Variants in SEPTIN7 observed in about 807,000 individuals in gnomAD.
SEPTIN7 encodes septin-7.
A neutral mutation model predicts 63.3 loss-of-function variants in SEPTIN7; 10 were observed. The observed-to-expected ratio is 0.16, with a 90% CI of 0.10 to 0.27. The LOEUF is 0.27. Among genes scored for constraint, SEPTIN7 ranks in the 10% least tolerant of loss-of-function variants. SEPTIN7 has a pLI of 1.00. For missense variants in SEPTIN7, 310 were observed against 521.0 expected (o/e 0.59, Z 3.94); for synonymous variants, 131 against 165.3 (o/e 0.79, Z 1.59).
At chr7:35,849,730 A>G (rs953373217) in intron 3 of SEPTIN7, among the ~76,000 whole-genome samples, 1 of 152,196 alleles carries the variant, frequency 6.6e-6, no homozygotes, top group Non-Finnish European at 1.5e-5. Context: ...TCCAGTACTT[A>G]ATTTCTCACC....
chr7:35,889,701 G>A lies in SEPTIN7; in HGVS notation c.873-967G>A, dbSNP rs544038094. On this transcript the variant is annotated intron_variant, in intron 10 of 13. Coordinates refer to ENST00000350320, the MANE Select transcript of SEPTIN7 (RefSeq NM_001788.6). The stretch of plus-strand genomic sequence containing the variant: ...TGGGATTATAGGTGCTTGCCACCAC[G>A]CCCAACTGATTTTTGTATTTTTAGT... Among the ~76,000 whole-genome samples the A allele has an allele frequency of 5.9e-5, 9 of 152,098 alleles. No homozygotes were observed. In the East Asian group the frequency reaches 7.7e-4, roughly 13 times the overall value.
At chr7:35,860,892 G>A (rs1698894210) in intron 3 of SEPTIN7, among the ~76,000 whole-genome samples, 1 of 152,006 alleles carries the variant, frequency 6.6e-6, no homozygotes, top group Non-Finnish European at 1.5e-5. Context: ...ATCACCTTTG[G>A]GAAGTTTTTT....
Position 35,831,480 on chromosome 7 carries a change from T to G in SEPTIN7, c.62-12T>G. On this transcript the variant is annotated splice_polypyrimidine_tract_variant and intron_variant, in intron 1 of 13. Transcript: ENST00000350320. The stretch of plus-strand genomic sequence containing the variant: ...GGAACACTGGAATGATGGAAATGTG[T>G]TCTTTACAAAGTAGCTGTGAGTATA... 2.1e-6 allele frequency: 1 copy of G among 482,048 alleles called. No homozygotes were observed. Among genetic ancestry groups the G allele is most frequent in the Non-Finnish European group, 4.1e-6 (1 of 242,222 alleles). 29.9% of individuals were successfully genotyped at this position (482,048 alleles called of 1,614,324 possible).
At chr7:35,913,053 TGGC>T in the SEPTIN7 span, among the ~76,000 whole-genome samples, 1 of 152,250 alleles carries the variant, frequency 6.6e-6, no homozygotes, top group South Asian at 2.1e-4. Context: ...TTTAGTTCTC[TGGC>T]CTTGGGTCCT....
rs1431411373 is a variant in SEPTIN7 at position 35,801,121 on chromosome 7, G to A, written c.-89G>A. Reference sequence around the variant, plus strand: ...CGTGCGTAAGCAAGGCAGCTACGCCGGGCGGCTACGCTGCGGAATCGGCGT... The same window carrying A: ...CGTGCGTAAGCAAGGCAGCTACGCCAGGCGGCTACGCTGCGGAATCGGCGT... On this transcript the variant is annotated 5_prime_UTR_variant, in exon 1 of 14. Coordinates refer to ENST00000350320, the MANE Select transcript of SEPTIN7 (RefSeq NM_001788.6). 10 of 1,105,798 alleles carry A rather than the reference G, an allele frequency of 9.0e-6. No homozygotes were observed. In the African/African-American group the frequency reaches 1.7e-4, roughly 18 times the overall value. The allele number at this position is 1,105,798 out of a possible 1,614,324, so 68.5% of individuals were successfully genotyped here. A position where few individuals can be genotyped will look rare whatever the true frequency, so the allele number is the denominator to read the frequency against.
intron 7 of SEPTIN7, among the ~76,000 whole-genome samples, chr7:35,881,762 TA>T (rs1429186451): frequency 6.6e-6 from 1 of 151,952 alleles, no homozygotes; most frequent in Non-Finnish European, 1.5e-5. Context: ...AGTTGAAAAT[TA>T]TTTGGATGTC....
rs190707496 is a variant in SEPTIN7 at position 35,844,546 on chromosome 7, A to G, written c.169+11646A>G. The stretch of plus-strand genomic sequence containing the variant: ...TCAATTTCTGTCACAGACAAGCTGT[A>G]TGACCCTGGACAGATCACTTTGAAT... On this transcript the variant is annotated intron_variant, in intron 3 of 13. Coordinates refer to ENST00000350320, the MANE Select transcript of SEPTIN7 (RefSeq NM_001788.6). Among the ~76,000 whole-genome samples the G allele has an allele frequency of 6.6e-5, 10 of 152,336 alleles. No homozygotes were observed. In the East Asian group the frequency reaches 1.9e-3, roughly 29 times the overall value.
At chr7:35,914,691 A>G in the SEPTIN7 span, among the ~76,000 whole-genome samples, 2 of 151,924 alleles carry the variant, frequency 1.3e-5, no homozygotes, top group South Asian at 4.2e-4. Flanking sequence ...ACACATAAAT[A>G]TATATAGATT....
intron 11 of SEPTIN7, among the ~76,000 whole-genome samples, chr7:35,897,362 A>G (rs1266960607): frequency 6.6e-6 from 1 of 152,190 alleles, no homozygotes; most frequent in African/African-American, 2.4e-5. Flanking sequence ...TGAAAGCACT[A>G]GGTACTTTGG....
At chr7:35,908,880 C>T (rs1354084417), downstream of SEPTIN7, among the ~76,000 whole-genome samples, 1 of 152,196 alleles carries the variant, frequency 6.6e-6, no homozygotes, top group Admixed American at 6.5e-5. Flanking sequence ...AACTTTTTTA[C>T]CCCTCATTTA....
chr7:35,852,949 G>C (rs1235261664), intron 3 of SEPTIN7, among the ~76,000 whole-genome samples: 3 of 152,010 alleles, frequency 2.0e-5, no homozygotes, highest in Admixed American at 6.5e-5. Context: ...ATCTTTCTCA[G>C]CCTGCTAAAG....
intron 11 of SEPTIN7, among the ~76,000 whole-genome samples, chr7:35,893,205 GTTC>G (rs1787753671): frequency 8.7e-6 from 1 of 114,938 alleles, no homozygotes; most frequent in Non-Finnish European, 1.8e-5. Context: ...TTCTTTTAAT[GTTC>G]TTTTTGTATT....
rs1379131692 is a variant in SEPTIN7 at position 35,896,087 on chromosome 7, G to C, written c.999-2161G>C. 1.5e-4 allele frequency among the ~76,000 whole-genome samples: 23 copies of C among 152,204 alleles called. 1 individual carries two copies. ...GCCTCCCAAACTGCTAGCATTACAG[G>C]TGTGAACCACCGTGCCCGGCTTAAA... On this transcript the variant is annotated intron_variant, in intron 11 of 13. Transcript: ENST00000350320.
chr7:35,869,108 TGGAAAG>T (rs1224113699), intron 4 of SEPTIN7, among the ~76,000 whole-genome samples: 1 of 151,998 alleles, frequency 6.6e-6, no homozygotes, highest in East Asian at 1.9e-4. Flanking sequence ...GGATTTGAGT[TGGAAAG>T]GGAAAGAAAT....
chr7:35,870,552 T>A (rs1287759921), intron 4 of SEPTIN7, among the ~76,000 whole-genome samples: 3 of 152,192 alleles, frequency 2.0e-5, no homozygotes, highest in Non-Finnish European at 4.4e-5. Flanking sequence ...CAGCCACAGT[T>A]ACCATGAATA....
chr7:35,848,275 AT>A (rs1044439627), intron 3 of SEPTIN7, among the ~76,000 whole-genome samples: 2 of 150,334 alleles, frequency 1.3e-5, no homozygotes, highest in Non-Finnish European at 3.0e-5. Context: ...AGAATACTTG[AT>A]TTTTTTTTTG....
At chr7:35,803,129 CT>C in intron 1 of SEPTIN7, 1 of 958,268 alleles carries the variant, frequency 1.0e-6, no homozygotes, top group Admixed American at 6.2e-5. Context: ...AGGATATTGT[CT>C]TTTTCTAATG....
downstream of SEPTIN7, among the ~76,000 whole-genome samples, chr7:35,910,267 CTAAA>C (rs1266363318): frequency 6.6e-6 from 1 of 152,178 alleles, no homozygotes; most frequent in East Asian, 1.9e-4. Flanking sequence ...AGCGGGCGTA[CTAAA>C]TAAAGGTGGC....
rs760181840 is a variant in SEPTIN7 at position 35,883,858 on chromosome 7, G to A, written c.724-33G>A. ...TTTTTGAATTTGTGAGGACTACAGA[G>A]ATGTATTTGAACAAGAATACTTTGT... On this transcript the variant is annotated intron_variant, in intron 8 of 13. Transcript: ENST00000350320. The A allele has an allele frequency of 1.4e-5, 18 of 1,274,070 alleles. No homozygotes were observed. In the Admixed American group the frequency reaches 2.0e-4, roughly 14 times the overall value. The allele number at this position is 1,274,070 out of a possible 1,614,324, so 78.9% of individuals were successfully genotyped here.
Sources: allele counts gnomAD v4.1 joint callset (sites outside exome capture counted in the v4.1 genomes callset), GRCh38; gene constraint gnomAD v4.1.1; transcripts MANE v1.5; gene names NCBI Gene and HGNC (gene_info 2026-07-23, HGNC 2026-07-21).